Variants in EPHA6 observed in about 807,000 individuals in gnomAD.
EPHA6 encodes ephrin type-A receptor 6.
A neutral mutation model predicts 112.0 loss-of-function variants in EPHA6; 50 were observed. The ratio of observed to expected loss-of-function variants is 0.45; its 90% CI spans 0.36 to 0.56. EPHA6 has a LOEUF of 0.56. Ranked by LOEUF, EPHA6 falls within the 20% of genes least tolerant of loss-of-function variation. The probability of loss-of-function intolerance (pLI) is 0.00; values close to 1 mark genes in which losing one functional copy is unlikely to be tolerated. For synonymous variants in EPHA6, 529 were observed against 490.7 expected, an observed-to-expected ratio of 1.08 and a Z score of -1.03; for missense variants, 1,280 against 1,417.4, an observed-to-expected ratio of 0.90 and a Z score of 1.56.
At chr3:97,318,918 T>TA (rs889614709) in intron 5 of EPHA6, among the ~76,000 whole-genome samples, 45 of 150,862 alleles carry the variant, frequency 3.0e-4, no homozygotes, top group African/African-American at 7.5e-4. Context: ...GTTATTTATG[T>TA]AAAAAAAAAT....
At chr3:97,108,421 G>A (rs1431857950) in intron 3 of EPHA6, among the ~76,000 whole-genome samples, 2 of 152,156 alleles carry the variant, frequency 1.3e-5, no homozygotes, top group South Asian at 4.1e-4. Flanking sequence ...AGAATGAGCT[G>A]CAGCAAATGG....
chr3:97,344,009 G>A (rs2083428922), intron 5 of EPHA6, among the ~76,000 whole-genome samples: 1 of 152,066 alleles, frequency 6.6e-6, no homozygotes, highest in African/African-American at 2.4e-5. Context: ...TTTCCCCTTT[G>A]TAGTGGGAAT....
chr3:96,997,154 A>G (rs978146705), intron 3 of EPHA6, among the ~76,000 whole-genome samples: 1 of 152,026 alleles, frequency 6.6e-6, no homozygotes, highest in South Asian at 2.1e-4. Context: ...TTTTAATTCC[A>G]TGTTAGGGTC....
intron 3 of EPHA6, among the ~76,000 whole-genome samples, chr3:97,113,710 TCTCC>T (rs977596116): frequency 8.5e-5 from 13 of 152,232 alleles, no homozygotes; most frequent in African/African-American, 2.9e-4. Flanking sequence ...TACTTCTCTC[TCTCC>T]CTCCTTCTCT....
chr3:97,477,511 G>C (rs1329180845), intron 8 of EPHA6, among the ~76,000 whole-genome samples: 1 of 150,392 alleles, frequency 6.6e-6, no homozygotes, highest in Non-Finnish European at 1.5e-5. Flanking sequence ...GAGAGAAAGA[G>C]AGAGAGGAAG....
chr3:96,823,185 A>G (rs1241865219), intron 1 of EPHA6, among the ~76,000 whole-genome samples: 1 of 151,774 alleles, frequency 6.6e-6, no homozygotes, highest in African/African-American at 2.4e-5. Context: ...TTGAAATTAA[A>G]TGAGTAAATA....
At chr3:97,217,765 G>C (rs2078072797) in intron 3 of EPHA6, among the ~76,000 whole-genome samples, 1 of 152,176 alleles carries the variant, frequency 6.6e-6, no homozygotes, top group Non-Finnish European at 1.5e-5. Context: ...GGAGTGGCAA[G>C]AAGTATAAAA....
chr3:97,124,224 T>A (rs905460747), intron 3 of EPHA6, among the ~76,000 whole-genome samples: 2 of 152,028 alleles, frequency 1.3e-5, no homozygotes, highest in African/African-American at 4.8e-5. Context: ...CCAAATAACA[T>A]TTAATGCCAA....
At chr3:97,678,774 A>G (rs76240003) in intron 14 of EPHA6, among the ~76,000 whole-genome samples, 2,780 of 152,292 alleles carry the variant, frequency 0.018, 68 homozygotes, top group African/African-American at 0.063. Flanking sequence ...TTACTTTTAT[A>G]TGAATAATAC....
At chr3:97,083,431 CCT>C (rs2046788074) in intron 3 of EPHA6, among the ~76,000 whole-genome samples, 1 of 151,896 alleles carries the variant, frequency 6.6e-6, no homozygotes, top group African/African-American at 2.4e-5. Context: ...TCTGGACAGT[CCT>C]CTCTTTTTTA....
intron 3 of EPHA6, among the ~76,000 whole-genome samples, chr3:97,044,873 A>G (rs1284402759): frequency 6.6e-6 from 1 of 152,084 alleles, no homozygotes; most frequent in African/African-American, 2.4e-5. Flanking sequence ...CTTTTTTTAA[A>G]ACAAAGTATA....
chr3:97,090,901 C>T (rs936378368), intron 3 of EPHA6, among the ~76,000 whole-genome samples: 1 of 151,840 alleles, frequency 6.6e-6, no homozygotes, highest in Admixed American at 6.6e-5. Context: ...CCTTTAGAAC[C>T]AAGAAAAATT....
chr3:97,566,340 C>A (rs1474388570), intron 11 of EPHA6, among the ~76,000 whole-genome samples: 2 of 152,166 alleles, frequency 1.3e-5, no homozygotes, highest in Non-Finnish European at 2.9e-5. Flanking sequence ...TTGGGAATCA[C>A]ATTTTGGCAT....
chr3:97,123,208 A>T (rs1393506007), intron 3 of EPHA6, among the ~76,000 whole-genome samples: 2 of 152,112 alleles, frequency 1.3e-5, no homozygotes, highest in Non-Finnish European at 2.9e-5. Flanking sequence ...TATTCGTGTT[A>T]AACTTGAGTT....
At chr3:97,105,006 T>C (rs2047521516) in intron 3 of EPHA6, among the ~76,000 whole-genome samples, 1 of 152,048 alleles carries the variant, frequency 6.6e-6, no homozygotes, top group African/African-American at 2.4e-5. Flanking sequence ...TGCCATTTCT[T>C]ATTGTGTTTA....
intron 5 of EPHA6, among the ~76,000 whole-genome samples, chr3:97,322,815 T>G (rs981201188): frequency 6.6e-6 from 1 of 152,044 alleles, no homozygotes; most frequent in African/African-American, 2.4e-5. Context: ...AAATCTATAA[T>G]GTTTTAATTA....
chr3:97,098,685 A>T (rs1238218050), intron 3 of EPHA6, among the ~76,000 whole-genome samples: 2 of 151,884 alleles, frequency 1.3e-5, no homozygotes, highest in Non-Finnish European at 2.9e-5. Flanking sequence ...AAAGTGGAAA[A>T]AGGTAACACT....
rs112216901 is a variant in EPHA6 at position 97,245,719 on chromosome 3, G to A, written c.1606+1432G>A. ...AGTGGTTGCCAGGGCTTAGAGATTTGGAGGAGGGCAGTGTGGCTATGAAGT... is the reference window on the plus strand; with the variant it reads ...AGTGGTTGCCAGGGCTTAGAGATTTAGAGGAGGGCAGTGTGGCTATGAAGT... On this transcript the variant is annotated intron_variant, in intron 5 of 17. Transcript: ENST00000389672. Among the ~76,000 whole-genome samples, 300 of 151,898 alleles carry A rather than the reference G, an allele frequency of 2.0e-3. 2 individuals are homozygous for A. Among genetic ancestry groups the A allele is most frequent in the African/African-American group, 6.6e-3 (275 of 41,478 alleles).
chr3:96,899,113 G>A (rs539830358), intron 2 of EPHA6, among the ~76,000 whole-genome samples: 1 of 151,836 alleles, frequency 6.6e-6, no homozygotes, highest in Admixed American at 6.6e-5. Flanking sequence ...TGAAACGAAG[G>A]TATTGGCAAG....
Sources: allele counts gnomAD v4.1 joint callset (sites outside exome capture counted in the v4.1 genomes callset), GRCh38; gene constraint gnomAD v4.1.1; transcripts MANE v1.5; gene names NCBI Gene and HGNC (gene_info 2026-07-23, HGNC 2026-07-21).